The following DYRK1B variants were observed in gnomAD, a reference collection of about 807,000 sequenced individuals.
DYRK1B encodes the protein dual specificity tyrosine phosphorylation regulated kinase 1B.
DYRK1B carries 20 observed loss-of-function variants against 57.1 expected under a neutral mutation model. The ratio of observed to expected loss-of-function variants is 0.35; its 90% CI spans 0.25 to 0.51. The LOEUF (loss-of-function observed/expected upper bound fraction) is 0.51. Among genes scored for constraint, DYRK1B ranks in the 20% least tolerant of loss-of-function variants. The pLI is 0.96. For synonymous variants in DYRK1B, 409 were observed against 384.7 expected (o/e 1.06, Z -0.74); for missense variants, 732 against 886.3 (o/e 0.83, Z 2.21).
Position 39,827,609 on chromosome 19 carries a change from G to A in DYRK1B, c.855C>T (p.Leu285=). 7 of 1,614,082 alleles carry A rather than the reference G, an allele frequency of 4.3e-6. No homozygotes were observed. The highest frequency in any genetic ancestry group is 5.9e-6 in the Non-Finnish European group (7 of 1,179,974). The change falls in exon 7 of 11, where the codon CTC becomes CTT. Residue 285 remains leucine, a synonymous_variant. Transcript: ENST00000323039. Reference sequence around the variant, plus strand: ...TGGCCAGGTCGTAGGGTGTGCCCAGGAGCACCTCAGGTGAGCGGTAGAAGC... The same window carrying A: ...TGGCCAGGTCGTAGGGTGTGCCCAGAAGCACCTCAGGTGAGCGGTAGAAGC... ...QSRFYRSPEV[L]LGTPYDLAID...
Position 39,831,903 on chromosome 19 carries a change from G to A in DYRK1B, c.-36C>T. On this transcript the variant is annotated 5_prime_UTR_variant, in exon 2 of 11. Transcript: ENST00000323039. Reference sequence around the variant, plus strand: ...GAGGGCCGCAGGGGAGCGAGGCCTGGAGCGGGAGCCCGGCCGGGGGGCGCC... The same window carrying A: ...GAGGGCCGCAGGGGAGCGAGGCCTGAAGCGGGAGCCCGGCCGGGGGGCGCC... The A allele has an allele frequency of 6.9e-6, 10 of 1,448,004 alleles. No homozygotes were observed. Among genetic ancestry groups the A allele is most frequent in the Non-Finnish European group, 9.1e-6 (10 of 1,097,708 alleles). The allele number at this position is 1,448,004 out of a possible 1,614,324, so 89.7% of individuals were successfully genotyped here. A position where few individuals can be genotyped will look rare whatever the true frequency, so the allele number is the denominator to read the frequency against.
In DYRK1B at chr19:39,828,242, G is replaced by A; in HGVS notation, c.807+55C>T. The A allele has an allele frequency of 6.4e-7, 1 of 1,573,040 alleles. No homozygotes were observed. On this transcript the variant is annotated intron_variant, in intron 6 of 10. Coordinates refer to ENST00000323039, the MANE Select transcript of DYRK1B (RefSeq NM_004714.3). This position sits in a 1 kb window ranked among gnomAD's most constrained non-coding sequence, Gnocchi z 4.3. ...AAGCCCCGCCCCTAAGCCTCCCGTT[G>A]GCTCTGCCCCACCCAAACTACTAGC...
In DYRK1B at chr19:39,831,826, T is replaced by C. The variant is rs1283738194; in HGVS notation, c.42A>G (p.Pro14=). ...PPGHGPFSGF[P]GPQEHTQVLP... is the part of the protein sequence containing the mutation. Reference sequence around the variant, plus strand: ...GTACCTGCGTGTGCTCCTGGGGCCCTGGGAAGCCAGAGAAGGGACCATGGC... The same window carrying C: ...GTACCTGCGTGTGCTCCTGGGGCCCCGGGAAGCCAGAGAAGGGACCATGGC... The change falls in exon 2 of 11, where the codon CCA becomes CCG. Residue 14 remains proline, a synonymous_variant. Coordinates refer to ENST00000323039, the MANE Select transcript of DYRK1B (RefSeq NM_004714.3). 3.2e-6 allele frequency: 5 copies of C among 1,543,730 alleles called. No individual in the cohort carries two copies. Among genetic ancestry groups the C allele is most frequent in the African/African-American group, 1.4e-5 (1 of 72,650 alleles).
At position 39,830,923 on chromosome 19, in the gene DYRK1B, C is replaced by A. The variant is rs559382782; in HGVS notation, c.64-140G>T. ...TCCACCTGTCTAGGAAAGAAACTCC[C>A]CCAGGGCTGAGACTTTCTCTTGTTC... On this transcript the variant is annotated intron_variant, in intron 2 of 10. Coordinates refer to ENST00000323039, the MANE Select transcript of DYRK1B (RefSeq NM_004714.3). 4.0e-5 allele frequency: 41 copies of A among 1,036,092 alleles called. 1 individual carries two copies. In the African/African-American group the frequency reaches 5.8e-4, roughly 15 times the overall value. The allele number at this position is 1,036,092 out of a possible 1,614,324, so 64.2% of individuals were successfully genotyped here. A position where few individuals can be genotyped will look rare whatever the true frequency, so the allele number is the denominator to read the frequency against.
chr19:39,829,177 G>T (rs567826908), intron 5 of DYRK1B, among the ~76,000 whole-genome samples: 3 of 145,280 alleles, frequency 2.1e-5, no homozygotes, highest in South Asian at 2.2e-4. Flanking sequence ...GTTTTTTTTT[G>T]TTGTTGTTGT....
rs140379305 is a variant in DYRK1B, at chr19:39,833,081, G to A, written c.-102+942C>T. On this transcript the variant is annotated intron_variant, in intron 1 of 10. Transcript: ENST00000323039. ...TATCACATAGGGTTCTCTCCTCCCAGAGTTGTCAGCTACAGCAAAAATCTT... is the reference window on the plus strand; with the variant it reads ...TATCACATAGGGTTCTCTCCTCCCAAAGTTGTCAGCTACAGCAAAAATCTT... The A allele has an allele frequency of 1.2e-5, 12 of 985,344 alleles. No individual in the cohort carries two copies. In the East Asian group the frequency reaches 5.7e-4, roughly 47 times the overall value. 61.0% of individuals were successfully genotyped at this position (985,344 alleles called of 1,614,324 possible). A position where few individuals can be genotyped will look rare whatever the true frequency, so the allele number is the denominator to read the frequency against.
chr19:39,826,858 G>C lies in DYRK1B; in HGVS notation c.1225C>G (p.Leu409Val). 6.9e-7 allele frequency: 1 copy of C among 1,449,364 alleles called. No homozygotes were observed. Among genetic ancestry groups the C allele is most frequent in the Non-Finnish European group, 9.0e-7 (1 of 1,105,902 alleles). 89.8% of individuals were successfully genotyped at this position (1,449,364 alleles called of 1,614,324 possible). The change falls in exon 9 of 11, where the codon CTG becomes GTG. Residue 409 changes from leucine (L) to valine (V), a missense_variant. Leu to Val is a conservative substitution (Grantham distance 32). Coordinates refer to ENST00000323039, the MANE Select transcript of DYRK1B (RefSeq NM_004714.3). This position sits in a 1 kb window ranked among gnomAD's most constrained non-coding sequence, Gnocchi z 6.3. ...ADYLRFQDLV[L>V]RMLEYEPAAR... ...GCGGGCTCATACTCCAGCATGCGCAGCACCAGGTCCTGGAAGCGGAGGTAG... is the reference window on the plus strand; with the variant it reads ...GCGGGCTCATACTCCAGCATGCGCACCACCAGGTCCTGGAAGCGGAGGTAG...
intron 1 of DYRK1B, chr19:39,833,006 T>C (rs907930122): frequency 1.9e-5 from 19 of 985,172 alleles, no homozygotes; most frequent in Non-Finnish European, 2.3e-5. Context: ...ACCAGGGTCA[T>C]TCCACAACTG....
At chr19:39,833,330 G>T in intron 1 of DYRK1B, 1 of 985,600 alleles carries the variant, frequency 1.0e-6, no homozygotes, top group Non-Finnish European at 1.2e-6. Context: ...CAGTGGGGTG[G>T]GCGAGCGGCC....
intron 5 of DYRK1B, among the ~76,000 whole-genome samples, chr19:39,829,007 G>A (rs1473678401): frequency 6.6e-6 from 1 of 152,214 alleles, no homozygotes; most frequent in Non-Finnish European, 1.5e-5. Context: ...TTATGTCCAT[G>A]AGCAGGAATC....
chr19:39,827,014 G>GGGGGGGC, intron 8 of DYRK1B, 27 bp from the exon 9 acceptor site: 1 of 419,606 alleles, frequency 2.4e-6, no homozygotes, highest in Non-Finnish European at 4.3e-6. Flanking sequence ...GGGAGGGGGG[G>GGGGGGGC]CAAGAGAGTG....
intron 2 of DYRK1B, among the ~76,000 whole-genome samples, chr19:39,831,150 G>A (rs943947055): frequency 1.3e-5 from 2 of 152,118 alleles, no homozygotes; most frequent in Non-Finnish European, 2.9e-5. Context: ...GGTACCCTCT[G>A]AAGTACCTCT....
intron 1 of DYRK1B, chr19:39,833,294 G>T (rs1599649885): frequency 3.0e-6 from 3 of 985,316 alleles, no homozygotes; most frequent in African/African-American, 3.5e-5. Flanking sequence ...CGGGGCCCAC[G>T]GGGGGCTGGG....
intron 2 of DYRK1B, 121 bp downstream of exon 2, chr19:39,831,684 G>A (rs1968817246): frequency 1.6e-6 from 2 of 1,266,154 alleles, no homozygotes; most frequent in African/African-American, 3.0e-5. Context: ...CCAATCCCAT[G>A]GGACCCATTA....
chr19:39,826,724 C>T lies in DYRK1B; in HGVS notation c.1359G>A (p.Ala453=), dbSNP rs373037030. The T allele has an allele frequency of 5.6e-5, 89 of 1,602,872 alleles. No individual in the cohort carries two copies. The highest frequency in any genetic ancestry group is 1.4e-4 in the Admixed American group (8 of 58,674). ...PAGSSASTSP[A]PLDTCPSSST... ...TGGAAGAGGGGCAGGTGTCGAGGGG[C>T]GCGGGCGAGGTGGAGGCACTGCTGC... Residue 453 remains alanine, a synonymous_variant, in exon 9 of 11, where the codon GCG becomes GCA. Coordinates refer to ENST00000323039, the MANE Select transcript of DYRK1B (RefSeq NM_004714.3). This position sits in a 1 kb window ranked among gnomAD's most constrained non-coding sequence, Gnocchi z 6.3.
chr19:39,825,701 G>C lies in DYRK1B; in HGVS notation c.*14C>G. On this transcript the variant is annotated 3_prime_UTR_variant, in exon 11 of 11. Coordinates refer to ENST00000323039, the MANE Select transcript of DYRK1B (RefSeq NM_004714.3). Reference sequence around the variant, plus strand: ...GGGTATGGCTTCAGGAGGGGCCCCAGGGAGGGGGCAGGGTCACGAGCTGGC... The same window carrying C: ...GGGTATGGCTTCAGGAGGGGCCCCACGGAGGGGGCAGGGTCACGAGCTGGC... 6.5e-7 allele frequency: 1 copy of C among 1,544,734 alleles called. No individual in the cohort carries two copies. The highest frequency in any genetic ancestry group is 8.7e-7 in the Non-Finnish European group (1 of 1,146,468).
intron 2 of DYRK1B, among the ~76,000 whole-genome samples, chr19:39,831,271 C>T (rs980874791): frequency 6.6e-6 from 1 of 152,166 alleles, no homozygotes; most frequent in Non-Finnish European, 1.5e-5. Flanking sequence ...GGACCTCCCA[C>T]TTCATCCTGC....
chr19:39,831,789 C>A lies in DYRK1B; in HGVS notation c.63+16G>T, dbSNP rs541767993. On this transcript the variant is annotated intron_variant, in intron 2 of 10. Coordinates refer to ENST00000323039, the MANE Select transcript of DYRK1B (RefSeq NM_004714.3). ...CCCCTACCACCACGCAGGTGAGGAG[C>A]CAGCTGAACGCGTACCTGCGTGTGC... is the stretch of plus-strand genomic sequence containing the variant. The A allele has an allele frequency of 4.3e-5, 66 of 1,549,148 alleles. No individual in the cohort carries two copies. The highest frequency in any genetic ancestry group is 5.5e-5 in the Non-Finnish European group (63 of 1,146,710).
chr19:39,827,484 C>T (rs1207044578), intron 7 of DYRK1B, 26 bp downstream of exon 7: 3 of 1,611,158 alleles, frequency 1.9e-6, no homozygotes, highest in African/African-American at 2.7e-5. Context: ...CCTCCACCTC[C>T]AGCACACCCC....
Sources: allele counts gnomAD v4.1 joint callset (sites outside exome capture counted in the v4.1 genomes callset), GRCh38; gene constraint gnomAD v4.1.1; non-coding constraint Gnocchi (gnomAD v3.1); transcripts MANE v1.5; gene names NCBI Gene and HGNC (gene_info 2026-07-23, HGNC 2026-07-21).